The following ATG7 variants were observed in gnomAD, a reference collection of about 807,000 sequenced individuals.
ATG7 encodes the protein ubiquitin-like modifier-activating enzyme ATG7.
In ATG7, 70 loss-of-function variants were observed where a neutral mutation model predicts 82.4. The ratio of observed to expected loss-of-function variants is 0.85; its 90% CI spans 0.70 to 1.04. ATG7 has a LOEUF of 1.04. Among genes scored for constraint, ATG7 ranks in the 50% least tolerant of loss-of-function variants. The probability of loss-of-function intolerance (pLI) is 0.00; values close to 1 mark genes in which losing one functional copy is unlikely to be tolerated. For synonymous variants in ATG7, 287 were observed against 313.0 expected (o/e 0.92, Z 0.88); for missense variants, 792 against 864.3 (o/e 0.92, Z 1.05).
At chr3:11,534,399 G>A (rs1213843257) in intron 20 of ATG7, among the ~76,000 whole-genome samples, 1 of 152,230 alleles carries the variant, frequency 6.6e-6, no homozygotes, top group Non-Finnish European at 1.5e-5. Context: ...TGTTGGTCTT[G>A]GAACAGAGGC....
At chr3:11,392,852 T>C (rs2078930823) in intron 19 of ATG7, among the ~76,000 whole-genome samples, 1 of 152,182 alleles carries the variant, frequency 6.6e-6, no homozygotes, top group Non-Finnish European at 1.5e-5. Flanking sequence ...TTAGAAGTTA[T>C]GCTACCAGGT....
At chr3:11,478,318 T>C (rs2088501635) in intron 20 of ATG7, among the ~76,000 whole-genome samples, 1 of 152,226 alleles carries the variant, frequency 6.6e-6, no homozygotes, top group Non-Finnish European at 1.5e-5. Flanking sequence ...AAGACCAAGG[T>C]ATGAAAGTAT....
intron 20 of ATG7, among the ~76,000 whole-genome samples, chr3:11,470,842 T>C (rs1302653532): frequency 1.3e-5 from 2 of 152,224 alleles, no homozygotes; most frequent in Admixed American, 6.5e-5. Flanking sequence ...ACTCCAAGTC[T>C]GAGGAAGGCA....
intron 7 of ATG7, among the ~76,000 whole-genome samples, chr3:11,313,089 A>G (rs979413803): frequency 6.6e-6 from 1 of 152,204 alleles, no homozygotes; most frequent in Non-Finnish European, 1.5e-5. Context: ...TTGTCATCAT[A>G]TTATTAGTGG....
chr3:11,401,509 T>G (rs1247826441), intron 19 of ATG7, among the ~76,000 whole-genome samples: 3 of 152,238 alleles, frequency 2.0e-5, no homozygotes, highest in Non-Finnish European at 4.4e-5. Context: ...TCTGCCTTTC[T>G]TATCCACTAC....
intron 20 of ATG7, chr3:11,476,989 C>T (rs1392377510): frequency 1.2e-6 from 1 of 836,766 alleles, no homozygotes; most frequent in Non-Finnish European, 1.7e-6. Flanking sequence ...CTTATTAAAG[C>T]CCTCTTTATT....
intron 1 of ATG7, chr3:11,272,669 G>C (rs935718238): frequency 2.6e-4 from 40 of 152,282 alleles, no homozygotes; most frequent in African/African-American, 8.9e-4. Context: ...TGACTTGGAA[G>C]CTCGTGCTGA....
intron 19 of ATG7, among the ~76,000 whole-genome samples, chr3:11,396,586 G>A (rs941871270): frequency 6.6e-6 from 1 of 152,046 alleles, no homozygotes; most frequent in African/African-American, 2.4e-5. Flanking sequence ...AGACCAGCCT[G>A]GCCAACATAG....
At chr3:11,495,980 A>C (rs919919802) in intron 20 of ATG7, among the ~76,000 whole-genome samples, 2 of 152,358 alleles carry the variant, frequency 1.3e-5, no homozygotes, top group East Asian at 3.9e-4. Context: ...TAGCATTTCC[A>C]GGCACTTTCC....
At chr3:11,293,508 A>G (rs1256021191) in intron 3 of ATG7, among the ~76,000 whole-genome samples, 5 of 126,962 alleles carry the variant, frequency 3.9e-5, no homozygotes, top group East Asian at 2.5e-4. Flanking sequence ...TCCAGCCTGG[A>G]TGACAGAATG....
At chr3:11,285,707 C>T (rs565180724) in intron 3 of ATG7, among the ~76,000 whole-genome samples, 4 of 152,194 alleles carry the variant, frequency 2.6e-5, no homozygotes, top group African/African-American at 9.6e-5. Context: ...TGTTGAACAA[C>T]GTATAAAGCT....
At chr3:11,349,002 T>C (rs1225978568) in intron 14 of ATG7, among the ~76,000 whole-genome samples, 2 of 150,612 alleles carry the variant, frequency 1.3e-5, no homozygotes, top group African/African-American at 2.5e-5. Context: ...AGAGTGCTGA[T>C]TGGTGTGTTT....
intron 20 of ATG7, among the ~76,000 whole-genome samples, chr3:11,434,987 T>C (rs1045407537): frequency 6.6e-6 from 1 of 152,132 alleles, no homozygotes; most frequent in Non-Finnish European, 1.5e-5. Context: ...GATTGAATCA[T>C]GTGAAATTCT....
chr3:11,355,421 A>G (rs1405488642), intron 14 of ATG7, among the ~76,000 whole-genome samples: 1 of 152,228 alleles, frequency 6.6e-6, no homozygotes, highest in Non-Finnish European at 1.5e-5. Flanking sequence ...TTCTCAAAAG[A>G]TGCCTTTCAA....
intron 20 of ATG7, among the ~76,000 whole-genome samples, chr3:11,520,000 A>G (rs2092400597): frequency 6.6e-6 from 1 of 152,082 alleles, no homozygotes; most frequent in Admixed American, 6.5e-5. Flanking sequence ...CCACCTTCAT[A>G]CAGCTCAAGG....
chr3:11,363,928 T>C (rs902454556), intron 17 of ATG7, among the ~76,000 whole-genome samples: 8 of 152,210 alleles, frequency 5.3e-5, no homozygotes, highest in Non-Finnish European at 7.3e-5. Flanking sequence ...CTTTTTTGTC[T>C]TCCTCTTTGT....
chr3:11,532,204 T>G (rs571121459), intron 20 of ATG7, among the ~76,000 whole-genome samples: 1 of 152,282 alleles, frequency 6.6e-6, no homozygotes, highest in African/African-American at 2.4e-5. Flanking sequence ...GATTTCTGAT[T>G]TGTTGAGCAT....
chr3:11,342,229 C>T lies in ATG7; in HGVS notation c.1075C>T (p.Leu359=), dbSNP rs199871405. 6.2e-7 allele frequency: 1 copy of T among 1,613,620 alleles called. No individual in the cohort carries two copies. Among genetic ancestry groups the T allele is most frequent in the Non-Finnish European group, 8.5e-7 (1 of 1,180,000 alleles). ...DLDKVVSVKC[L]LLGAGTLGCN... Reference sequence around the variant, plus strand: ...GGACAAGGTTGTGTCTGTCAAATGTCTGCTGCTTGGAGCCGGCACCTTGGG... The same window carrying T: ...GGACAAGGTTGTGTCTGTCAAATGTTTGCTGCTTGGAGCCGGCACCTTGGG... Residue 359 remains leucine, a synonymous_variant, in exon 13 of 21, where the codon CTG becomes TTG. Transcript: ENST00000693202.
the ATG7 span, chr3:11,569,033 G>A: frequency 6.9e-6 from 5 of 724,422 alleles, no homozygotes; most frequent in African/African-American, 1.9e-5. Flanking sequence ...AAAGCCACAC[G>A]CTCTCTAAGC....
Sources: allele counts gnomAD v4.1 joint callset (sites outside exome capture counted in the v4.1 genomes callset), GRCh38; gene constraint gnomAD v4.1.1; transcripts MANE v1.5; gene names NCBI Gene and HGNC (gene_info 2026-07-23, HGNC 2026-07-21).